USH2A: variants seen among roughly 807,000 people sequenced by gnomAD.
The protein encoded by USH2A is usherin, also known as Usher syndrome 2A (autosomal recessive, mild).
A neutral mutation model predicts 538.9 loss-of-function variants in USH2A; 443 were observed. The observed-to-expected ratio is 0.82, with a 90% CI of 0.76 to 0.89. USH2A has a LOEUF of 0.89. Ranked by LOEUF, USH2A falls within the 40% of genes least tolerant of loss-of-function variation. The pLI, the probability that USH2A is intolerant of heterozygous loss-of-function variation, is 0.00. For missense variants in USH2A, 6,633 were observed against 6,324.8 expected (o/e 1.05, Z -1.65); for synonymous variants, 2,413 against 2,273.5 (o/e 1.06, Z -1.75).
At chr1:215,976,295 C>A (rs1056796672) in intron 35 of USH2A, among the ~76,000 whole-genome samples, 3 of 152,098 alleles carry the variant, frequency 2.0e-5, no homozygotes, top group Non-Finnish European at 2.9e-5. Context: ...AGTAGGATTT[C>A]TTTTATTTCT....
At chr1:216,089,232 A>G in intron 22 of USH2A, 93 bp from the exon 23 acceptor site, 2 of 1,346,464 alleles carry the variant, frequency 1.5e-6, no homozygotes, top group Non-Finnish European at 1.1e-6. Flanking sequence ...ACAAGTTTCA[A>G]GATTATGATC....
chr1:215,940,107 G>A (rs534351680), intron 37 of USH2A, among the ~76,000 whole-genome samples: 1 of 152,188 alleles, frequency 6.6e-6, no homozygotes, highest in African/African-American at 2.4e-5. Context: ...TTGTTACCTC[G>A]TGAGGATTTT....
chr1:216,200,398 G>T (rs2034958330), intron 16 of USH2A, among the ~76,000 whole-genome samples: 1 of 152,026 alleles, frequency 6.6e-6, no homozygotes. Context: ...TTGTTAGAAG[G>T]TCTAAGAGAA....
chr1:216,285,273 G>A lies in USH2A; in HGVS notation c.1971+4007C>T, dbSNP rs143476172. Among the ~76,000 whole-genome samples, 764 of 152,290 alleles carry A rather than the reference G, an allele frequency of 5.0e-3. 6 individuals carry two copies. The highest frequency in any genetic ancestry group is 0.018 in the African/African-American group (734 of 41,562). ...GTGTGCAGTCTAGGGACTTGGTGCC[G>A]TGTCCCAACTGCTCCAGCTATGGCT... On this transcript the variant is annotated intron_variant, in intron 11 of 71. Transcript: ENST00000307340.
intron 61 of USH2A, among the ~76,000 whole-genome samples, chr1:215,696,838 TG>T: frequency 6.6e-6 from 1 of 152,328 alleles, no homozygotes; most frequent in Middle Eastern, 3.4e-3. Flanking sequence ...CACTCCAGCC[TG>T]GGTGACATAG....
intron 21 of USH2A, among the ~76,000 whole-genome samples, chr1:216,138,905 T>C (rs977119299): frequency 1.3e-5 from 2 of 150,542 alleles, no homozygotes; most frequent in Admixed American, 6.6e-5. Flanking sequence ...TATTTTTAAA[T>C]ATGCATATAT....
Position 216,387,056 on chromosome 1 carries a change from A to G in USH2A, c.652-21971T>C, listed in dbSNP as rs17026663. Reference sequence around the variant, plus strand: ...GGAATTACTTCAAGAACATAATTTAATTACTTTGTATGAAGCAGAAAACAA... The same window carrying G: ...GGAATTACTTCAAGAACATAATTTAGTTACTTTGTATGAAGCAGAAAACAA... On this transcript the variant is annotated intron_variant, in intron 3 of 71. Transcript: ENST00000307340. 1.2e-4 allele frequency among the ~76,000 whole-genome samples: 18 copies of G among 152,324 alleles called. No individual in the cohort carries two copies. The East Asian group carries it at 3.5e-3, about 29-fold the overall frequency.
At chr1:216,421,300 G>C (rs755204429) in intron 2 of USH2A, among the ~76,000 whole-genome samples, 49 of 152,008 alleles carry the variant, frequency 3.2e-4, no homozygotes, top group Non-Finnish European at 7.1e-4. Flanking sequence ...AGAACTAAAA[G>C]CTATATGTTT....
chr1:216,355,136 G>A (rs1571733744), intron 4 of USH2A, among the ~76,000 whole-genome samples: 1 of 151,246 alleles, frequency 6.6e-6, no homozygotes, highest in Non-Finnish European at 1.5e-5. Flanking sequence ...GGTGAAACAC[G>A]GTCTCTACTG....
At chr1:216,377,865 A>AGG (rs2038863255) in intron 3 of USH2A, among the ~76,000 whole-genome samples, 2 of 145,920 alleles carry the variant, frequency 1.4e-5, no homozygotes, top group Admixed American at 7.0e-5. Flanking sequence ...GAAAGAAAGA[A>AGG]AGAAGGAAAG....
chr1:215,846,585 A>C (rs2102823881), intron 44 of USH2A, among the ~76,000 whole-genome samples: 1 of 152,310 alleles, frequency 6.6e-6, no homozygotes, highest in East Asian at 1.9e-4. Flanking sequence ...TAGGAATATG[A>C]GTCTTATAAA....
At chr1:215,647,478 C>T (rs775892853) in intron 67 of USH2A, 44 bp downstream of exon 67, 1 of 1,611,138 alleles carries the variant, frequency 6.2e-7, no homozygotes, top group Non-Finnish European at 8.5e-7. Flanking sequence ...CTCCTGACCA[C>T]ATTCCAATCT....
At chr1:215,842,500 C>T (rs1663709883) in intron 46 of USH2A, among the ~76,000 whole-genome samples, 1 of 152,150 alleles carries the variant, frequency 6.6e-6, no homozygotes, top group African/African-American at 2.4e-5. Flanking sequence ...TATAAAGATA[C>T]AAGCACATAT....
chr1:216,199,150 G>A (rs187928465), intron 17 of USH2A, among the ~76,000 whole-genome samples: 1 of 152,170 alleles, frequency 6.6e-6, no homozygotes, highest in Non-Finnish European at 1.5e-5. Flanking sequence ...GTGAATGTGT[G>A]TCTGGCCTAT....
intron 11 of USH2A, among the ~76,000 whole-genome samples, chr1:216,284,063 T>A (rs1283635703): frequency 6.6e-6 from 1 of 152,196 alleles, no homozygotes; most frequent in Non-Finnish European, 1.5e-5. Flanking sequence ...TCTCATTTCC[T>A]TGTATCTCTC....
chr1:216,420,875 C>G (rs1234842758), intron 2 of USH2A, among the ~76,000 whole-genome samples: 2 of 152,096 alleles, frequency 1.3e-5, no homozygotes, highest in Non-Finnish European at 2.9e-5. Flanking sequence ...CAAATTGAAA[C>G]TAAACACCAA....
At chr1:216,280,401 G>GA (rs367915868) in intron 11 of USH2A, among the ~76,000 whole-genome samples, 3,841 of 141,876 alleles carry the variant, frequency 0.027, 97 homozygotes, top group African/African-American at 0.076. Flanking sequence ...ACAGACAAAA[G>GA]AAAAAAAAAA....
chr1:216,010,665 A>C (rs1015318334), intron 32 of USH2A, among the ~76,000 whole-genome samples: 3 of 151,618 alleles, frequency 2.0e-5, no homozygotes, highest in Non-Finnish European at 4.4e-5. Context: ...CAGGCTTCTA[A>C]ACCTCTTAAA....
intron 69 of USH2A, among the ~76,000 whole-genome samples, chr1:215,636,371 C>T (rs747319568): frequency 6.6e-6 from 1 of 152,210 alleles, no homozygotes; most frequent in Non-Finnish European, 1.5e-5. Context: ...ACTCTGCTGC[C>T]GATCAGCTCT....
Sources: gnomAD v4.1 joint callset for allele counts (sites outside exome capture counted in the v4.1 genomes callset) on GRCh38, gnomAD v4.1.1 for gene constraint, MANE v1.5 for transcripts, NCBI Gene and HGNC (gene_info 2026-07-23, HGNC 2026-07-21) for gene names.